The following MSH5 variants were observed in gnomAD, a reference collection of about 807,000 sequenced individuals.
MSH5 encodes the protein mutS homolog 5.
A neutral mutation model predicts 107.7 loss-of-function variants in MSH5; 78 were observed. The ratio of observed to expected loss-of-function variants is 0.72; its 90% CI spans 0.60 to 0.87. The LOEUF (loss-of-function observed/expected upper bound fraction) is 0.87, where lower values mean the gene tolerates loss of function less well. Ranked by LOEUF, MSH5 falls within the 40% of genes least tolerant of loss-of-function variation. The probability of loss-of-function intolerance (pLI) is 0.00; values close to 1 mark genes in which losing one functional copy is unlikely to be tolerated. For missense variants in MSH5, 889 were observed against 1,046.6 expected, an observed-to-expected ratio of 0.85 and a Z score of 2.08; for synonymous variants, 326 against 399.5, an observed-to-expected ratio of 0.82 and a Z score of 2.19.
intron 2 of MSH5, 93 bp from the exon 3 acceptor site, chr6:31,741,070 G>A: frequency 6.7e-7 from 1 of 1,492,988 alleles, no homozygotes; most frequent in Non-Finnish European, 9.0e-7. Context: ...CTATCTCAGA[G>A]ATTTGAGAAA....
intron 7 of MSH5, 57 bp from the exon 8 acceptor site, chr6:31,744,489 A>C (rs1809227708): frequency 6.3e-7 from 1 of 1,591,436 alleles, no homozygotes; most frequent in African/African-American, 1.3e-5. Flanking sequence ...GGACAAAGGA[A>C]GTGGAGTTGT....
intron 12 of MSH5, chr6:31,756,825 G>C (rs1331493643): frequency 6.6e-6 from 1 of 151,794 alleles, no homozygotes; most frequent in African/African-American, 2.4e-5. Context: ...ATTTTTAGTA[G>C]AGACAGGGTT....
At position 31,760,286 on chromosome 6, in the gene MSH5, A is replaced by C; in HGVS notation, c.1812+70A>C. ...CTACTCCACCCCTACTTGCCAGCCA[A>C]CTCAGGCTCCTGCAGCTCTTCTCCC... On this transcript the variant is annotated intron_variant, in intron 19 of 24. Coordinates refer to ENST00000375750, the MANE Select transcript of MSH5 (RefSeq NM_172166.4). The surrounding 1 kb of genome is among the most constrained non-coding windows in gnomAD (Gnocchi z 5.6). 1 of 1,512,214 alleles carries C rather than the reference A, an allele frequency of 6.6e-7. No individual in the cohort carries two copies. Among genetic ancestry groups the C allele is most frequent in the African/African-American group, 1.4e-5 (1 of 71,652 alleles). The allele number at this position is 1,512,214 out of a possible 1,614,324, so 93.7% of individuals were successfully genotyped here.
chr6:31,760,892 A>G lies in MSH5; in HGVS notation c.1962+53A>G. 1 of 1,569,264 alleles carries G rather than the reference A, an allele frequency of 6.4e-7. No homozygotes were observed. The highest frequency in any genetic ancestry group is 8.7e-7 in the Non-Finnish European group (1 of 1,153,158). On this transcript the variant is annotated intron_variant, in intron 20 of 24. Coordinates refer to ENST00000375750, the MANE Select transcript of MSH5 (RefSeq NM_172166.4). This position sits in a 1 kb window ranked among gnomAD's most constrained non-coding sequence, Gnocchi z 5.6. The stretch of plus-strand genomic sequence containing the variant: ...TGAGGAAGGGGATAATGGGAAAGGA[A>G]CCCCTGAAAATGCTCATAACAGGAA...
At position 31,753,403 on chromosome 6, in the gene MSH5, G is replaced by A. The variant is rs1810143832; in HGVS notation, c.915G>A (p.Met305Ile). 1 of 1,614,162 alleles carries A rather than the reference G, an allele frequency of 6.2e-7. No homozygotes were observed. The highest frequency in any genetic ancestry group is 1.1e-5 in the South Asian group (1 of 91,076). ...CCCAGAATCTGGACATGGCTCAGAT[G>A]CTGCATCGGCTCCTGGGTCACATCA... ...LLPQNLDMAQ[M>I]LHRLLGHIKN... Residue 305 changes from methionine to isoleucine, a missense_variant, in exon 11 of 25, where the codon ATG (methionine) becomes ATA (isoleucine). Met to Ile is a conservative substitution (Grantham distance 10, BLOSUM62 1). Around this residue, in one of 3 missense-constraint regions of MSH5, gnomAD observed 518 missense variants for 565.0 expected, o/e 0.92. Transcript: ENST00000375750.
At chr6:31,762,285 C>A in intron 24 of MSH5, 100 bp downstream of exon 24, 1 of 1,432,264 alleles carries the variant, frequency 7.0e-7, no homozygotes, top group Non-Finnish European at 9.8e-7. Context: ...CTTTGCCCTT[C>A]AGAAACCCAC....
rs9279404 is a variant in MSH5 at position 31,745,765 on chromosome 6, GTTTTTTTT to G, written c.766+459_766+466del. The stretch of plus-strand genomic sequence containing the variant: ...TCATATCTCAGTAAGTTGTGTCCAG[GTTTTTTTT>G]TTTTTTTTTTTTGATACAGAGTCTC... On this transcript the variant is annotated intron_variant, in intron 9 of 24. Coordinates refer to ENST00000375750, the MANE Select transcript of MSH5 (RefSeq NM_172166.4). Among the ~76,000 whole-genome samples the G allele has an allele frequency of 5.1e-3, 620 of 120,978 alleles. 17 individuals are homozygous for G. The South Asian group carries it at 0.091, about 18-fold the overall frequency. 79.4% of individuals were successfully genotyped at this position (120,978 alleles called of 152,430 possible).
chr6:31,753,477 G>A, intron 11 of MSH5, 38 bp downstream of exon 11: 1 of 1,612,380 alleles, frequency 6.2e-7, no homozygotes. Flanking sequence ...TGGGGAAGGA[G>A]GTTGAGGGCT....
intron 8 of MSH5, 69 bp from the exon 9 acceptor site, chr6:31,745,168 A>C: frequency 2.3e-6 from 2 of 884,262 alleles, no homozygotes; most frequent in South Asian, 2.6e-5. Context: ...CATTCCATTT[A>C]TCAGTCCTCA....
chr6:31,751,834 C>T (rs1273666796), intron 10 of MSH5, among the ~76,000 whole-genome samples: 2 of 152,052 alleles, frequency 1.3e-5, no homozygotes, highest in African/African-American at 4.8e-5. Flanking sequence ...CGCAGTAGCT[C>T]ATGCCTGTAA....
In MSH5 at chr6:31,744,310, C is replaced by CACCCCA. The variant is rs1042216337; in HGVS notation, c.647+21_647+26dup. 42 of 1,613,876 alleles carry CACCCCA rather than the reference C, an allele frequency of 2.6e-5. No homozygotes were observed. The highest frequency in any genetic ancestry group is 3.3e-5 in the Non-Finnish European group (39 of 1,179,948). ...TAAGAAATTTATGTTGTAGGTGATT[C>CACCCCA]ACCCCAACCCCAACCAAAGTAATGT... On this transcript the variant is annotated intron_variant, in intron 7 of 24. Transcript: ENST00000375750.
intron 24 of MSH5, 76 bp downstream of exon 24, chr6:31,762,261 G>A (rs911766612): frequency 2.2e-5 from 33 of 1,528,386 alleles, no homozygotes; most frequent in Non-Finnish European, 2.9e-5. Flanking sequence ...CAGGGACTCA[G>A]CCTTCCTCCA....
At chr6:31,762,306 T>C in intron 24 of MSH5, 114 bp from the exon 25 acceptor site, 1 of 1,380,988 alleles carries the variant, frequency 7.2e-7, no homozygotes, top group Non-Finnish European at 1.0e-6. Context: ...CATTTCTTTC[T>C]GAAATCCCTA....
At position 31,740,694 on chromosome 6, in the gene MSH5, C is replaced by T. The variant is rs1225090336; in HGVS notation, c.147+81C>T. The stretch of plus-strand genomic sequence containing the variant: ...GAGGGTTGGGAGCCGGGCGCGGTGG[C>T]TCACACCTGTAATCTTAGCACTTTG... On this transcript the variant is annotated intron_variant, in intron 2 of 24. Coordinates refer to ENST00000375750, the MANE Select transcript of MSH5 (RefSeq NM_172166.4). The surrounding 1 kb of genome is among the most constrained non-coding windows in gnomAD (Gnocchi z 4.4). 14 of 1,397,718 alleles carry T rather than the reference C, an allele frequency of 1.0e-5. No homozygotes were observed. Among genetic ancestry groups the T allele is most frequent in the Non-Finnish European group, 1.2e-5 (13 of 1,067,254 alleles). The allele number at this position is 1,397,718 out of a possible 1,614,324, so 86.6% of individuals were successfully genotyped here. A position where few individuals can be genotyped will look rare whatever the true frequency, so the allele number is the denominator to read the frequency against.
intron 5 of MSH5, 139 bp downstream of exon 5, chr6:31,743,309 T>TC (rs1456050074): frequency 1.2e-6 from 1 of 854,554 alleles, no homozygotes; most frequent in Non-Finnish European, 1.9e-6. Flanking sequence ...CTATGACCTG[T>TC]CCCCCCAAGA....
chr6:31,743,826 T>G (rs1322434576), intron 5 of MSH5, 78 bp from the exon 6 acceptor site: 1 of 1,566,394 alleles, frequency 6.4e-7, no homozygotes, highest in Non-Finnish European at 8.6e-7. Context: ...TCTCTCTTGC[T>G]TCTATTGTCT....
chr6:31,755,924 T>C (rs1256009502), intron 12 of MSH5, among the ~76,000 whole-genome samples: 3 of 152,160 alleles, frequency 2.0e-5, no homozygotes, highest in Admixed American at 6.5e-5. Flanking sequence ...ATTTGTCTTA[T>C]AGTGTTTTCC....
rs1366942259 is a variant in MSH5, at chr6:31,747,417, G to A, written c.797G>A (p.Gly266Glu). 1.2e-6 allele frequency: 2 copies of A among 1,612,960 alleles called. No homozygotes were observed. Among genetic ancestry groups the A allele is most frequent in the Non-Finnish European group, 1.7e-6 (2 of 1,180,032 alleles). The change falls in exon 10 of 25, where the codon GGA becomes GAA. Residue 266 changes from glycine to glutamate, a missense_variant. Transcript: ENST00000375750. The part of the protein sequence containing the change: ...GILNRCHCKW[G>E]EKLLRLWFTR... ...CTCAACAGATGCCACTGTAAGTGGG[G>A]AGAGAAGCTGCTCAGGTGAGTGGGT...
Position 31,741,232 on chromosome 6 carries a change from A to C in MSH5, c.217A>C (p.Ile73Leu). The stretch of plus-strand genomic sequence containing the variant: ...CTACTATGATACTAGTGACTCCACT[A>C]TCCACTTCATGCCAGATGCCCCAGA... ...IAYYDTSDST[I>L]HFMPDAPDHE... The change falls in exon 3 of 25, where the codon ATC (isoleucine) becomes CTC (leucine). Residue 73 changes from isoleucine (I) to leucine (L), a missense_variant. Ile to Leu is a conservative substitution (Grantham distance 5). Around this residue, in one of 3 missense-constraint regions of MSH5, gnomAD observed 518 missense variants for 565.0 expected, o/e 0.92. Transcript: ENST00000375750. 1 of 1,612,860 alleles carries C rather than the reference A, an allele frequency of 6.2e-7. No homozygotes were observed. The highest frequency in any genetic ancestry group is 8.5e-7 in the Non-Finnish European group (1 of 1,179,982).
Sources: allele counts gnomAD v4.1 joint callset (sites outside exome capture counted in the v4.1 genomes callset), GRCh38; gene constraint gnomAD v4.1.1; regional missense constraint gnomAD v4.1.1; non-coding constraint Gnocchi (gnomAD v3.1); transcripts MANE v1.5; gene names NCBI Gene and HGNC (gene_info 2026-07-23, HGNC 2026-07-21).